Variants in DUSP14 observed in about 807,000 individuals in gnomAD.
The protein encoded by DUSP14 is dual specificity protein phosphatase 14.
DUSP14 carries 5 observed loss-of-function variants against 13.2 expected under a neutral mutation model. That is an observed-to-expected ratio of 0.38 (90% CI 0.20 to 0.80). The LOEUF (loss-of-function observed/expected upper bound fraction) is 0.80. Among genes scored for constraint, DUSP14 ranks in the 30% least tolerant of loss-of-function variants. The pLI is 0.44. For missense variants in DUSP14, 185 were observed against 264.0 expected (o/e 0.70, Z 2.07); for synonymous variants, 91 against 103.4 (o/e 0.88, Z 0.73).
At chr17:37,494,283 G>A (rs1368826659) in intron 1 of DUSP14, among the ~76,000 whole-genome samples, 2 of 152,128 alleles carry the variant, frequency 1.3e-5, no homozygotes, top group Non-Finnish European at 1.5e-5. Flanking sequence ...GTGAGCCACC[G>A]CACCCAGCCT....
At chr17:37,502,286 A>G (rs1312510302) in intron 1 of DUSP14, among the ~76,000 whole-genome samples, 4 of 151,780 alleles carry the variant, frequency 2.6e-5, no homozygotes, top group African/African-American at 4.8e-5. Flanking sequence ...GACTCAAGCA[A>G]TCCTTCTGCC....
At chr17:37,492,971 A>G (rs2054038828) in intron 1 of DUSP14, among the ~76,000 whole-genome samples, 1 of 151,964 alleles carries the variant, frequency 6.6e-6, no homozygotes, top group East Asian at 1.9e-4. Context: ...ACTCTTGTGA[A>G]TCCTTCCTTC....
At chr17:37,495,418 T>A (rs2054056956) in intron 1 of DUSP14, among the ~76,000 whole-genome samples, 1 of 152,238 alleles carries the variant, frequency 6.6e-6, no homozygotes, top group South Asian at 2.1e-4. Context: ...TTTACTTCTG[T>A]CTTTGTCCCA....
At chr17:37,503,868 G>A (rs2054120602) in intron 1 of DUSP14, among the ~76,000 whole-genome samples, 1 of 152,032 alleles carries the variant, frequency 6.6e-6, no homozygotes, top group South Asian at 2.1e-4. Flanking sequence ...TTCTTGGGCT[G>A]TGGCATATCC....
intron 1 of DUSP14, among the ~76,000 whole-genome samples, chr17:37,503,614 G>C (rs1328640384): frequency 6.6e-6 from 1 of 152,218 alleles, no homozygotes; most frequent in East Asian, 1.9e-4. Flanking sequence ...ACCAAGGTGG[G>C]TGAGGACCAA....
At chr17:37,495,391 C>T (rs1478799115) in intron 1 of DUSP14, among the ~76,000 whole-genome samples, 5 of 152,228 alleles carry the variant, frequency 3.3e-5, no homozygotes, top group Non-Finnish European at 7.3e-5. Flanking sequence ...TTTTGAAGTT[C>T]ATATGCAACT....
chr17:37,508,294 A>G (rs2054150997), intron 1 of DUSP14, among the ~76,000 whole-genome samples: 2 of 140,702 alleles, frequency 1.4e-5, no homozygotes, highest in African/African-American at 5.0e-5. Flanking sequence ...CCGCAGCCTC[A>G]CCTCAGAAAG....
chr17:37,512,904 GC>G lies in DUSP14; in HGVS notation c.*37del. ...AGCCTGCGTCAGCAGCCCGAGCGGG[GC>G]CGGCATCTGCTCCCCGCCGTCTGCT... is the stretch of plus-strand genomic sequence containing the variant. On this transcript the variant is annotated 3_prime_UTR_variant, in exon 3 of 3. Transcript: ENST00000617516. The surrounding 1 kb of genome is among the most constrained non-coding windows in gnomAD (Gnocchi z 4.8). 1.9e-6 allele frequency: 3 copies of G among 1,539,856 alleles called. No homozygotes were observed. Among genetic ancestry groups the G allele is most frequent in the Non-Finnish European group, 2.7e-6 (3 of 1,126,642 alleles).
chr17:37,493,897 C>A (rs954083623), intron 1 of DUSP14, among the ~76,000 whole-genome samples: 2 of 152,062 alleles, frequency 1.3e-5, no homozygotes, highest in Non-Finnish European at 2.9e-5. Context: ...GGATGAGACT[C>A]CTTAAGAGGC....
intron 1 of DUSP14, 127 bp from the exon 2 acceptor site, chr17:37,510,550 G>C (rs572239472): frequency 6.6e-6 from 1 of 152,298 alleles, no homozygotes; most frequent in South Asian, 2.1e-4. Flanking sequence ...GCACACCTGC[G>C]AATGTTCAGT....
upstream of DUSP14, chr17:37,489,773 C>T (rs889107230): frequency 1.3e-5 from 2 of 148,742 alleles, no homozygotes; most frequent in Admixed American, 6.7e-5. Flanking sequence ...CGCGTCCCCC[C>T]GCCCCGCGTC....
chr17:37,496,779 G>C (rs1358143894), intron 1 of DUSP14, among the ~76,000 whole-genome samples: 1 of 151,784 alleles, frequency 6.6e-6, no homozygotes, highest in African/African-American at 2.4e-5. Context: ...AGCCGGGTGT[G>C]GTGGCATGCA....
intron 2 of DUSP14, among the ~76,000 whole-genome samples, chr17:37,511,937 A>AGTTTT (rs1329764853): frequency 0.025 from 413 of 16,412 alleles, 52 homozygotes; most frequent in East Asian, 0.075. Flanking sequence ...CCCCCACCCC[A>AGTTTT]CTTTTTTTTT....
intron 1 of DUSP14, among the ~76,000 whole-genome samples, chr17:37,507,028 G>A (rs1463361212): frequency 2.6e-5 from 4 of 152,206 alleles, no homozygotes; most frequent in African/African-American, 7.2e-5. Context: ...CCGCAGAGAA[G>A]CAGTGTGTGG....
intron 1 of DUSP14, among the ~76,000 whole-genome samples, chr17:37,492,520 A>C (rs79747521): frequency 6.6e-6 from 1 of 152,178 alleles, no homozygotes; most frequent in East Asian, 1.9e-4. Flanking sequence ...TATATTATAC[A>C]TTTACCGAGG....
At position 37,512,470 on chromosome 17, in the gene DUSP14, C is replaced by A. The variant is rs772044110; in HGVS notation, c.198C>A (p.Phe66Leu). 1.0e-4 allele frequency: 168 copies of A among 1,614,114 alleles called. 1 individual carries two copies. In the Admixed American group the frequency reaches 2.8e-3, roughly 27 times the overall value. ...IVNATIEIPN[F>L]NWPQFEYVKV... ...ATGCTACCATTGAGATCCCTAATTT[C>A]AACTGGCCCCAATTTGAGTATGTTA... Residue 66 changes from phenylalanine to leucine, a missense_variant, in exon 3 of 3, where the codon TTC (phenylalanine) becomes TTA (leucine). Physicochemically the swap from Phe to Leu is conservative, Grantham distance 22. Coordinates refer to ENST00000617516, the MANE Select transcript of DUSP14 (RefSeq NM_007026.4). This position sits in a 1 kb window ranked among gnomAD's most constrained non-coding sequence, Gnocchi z 4.8.
At chr17:37,496,087 T>A (rs1231760474) in intron 1 of DUSP14, among the ~76,000 whole-genome samples, 1 of 152,242 alleles carries the variant, frequency 6.6e-6, no homozygotes, top group African/African-American at 2.4e-5. Context: ...AATCTTAGAT[T>A]TAACTAAATC....
chr17:37,495,464 TTTTG>T (rs575308736), intron 1 of DUSP14, among the ~76,000 whole-genome samples: 16 of 152,168 alleles, frequency 1.1e-4, no homozygotes, highest in South Asian at 4.1e-4. Context: ...GGGCAAGTTT[TTTTG>T]TTTGTTTGTT....
At chr17:37,508,399 A>G (rs1272957096) in intron 1 of DUSP14, among the ~76,000 whole-genome samples, 6 of 152,226 alleles carry the variant, frequency 3.9e-5, no homozygotes, top group Admixed American at 3.9e-4. Context: ...ATTCTGAGGC[A>G]TGCTCAGGTT....
Sources: gnomAD v4.1 joint callset for allele counts (sites outside exome capture counted in the v4.1 genomes callset) on GRCh38, gnomAD v4.1.1 for gene constraint, Gnocchi (gnomAD v3.1) non-coding constraint, MANE v1.5 for transcripts, NCBI Gene and HGNC (gene_info 2026-07-23, HGNC 2026-07-21) for gene names.